The following SRGAP2C variants were observed in gnomAD, a reference collection of about 807,000 sequenced individuals.
SRGAP2C encodes SLIT-ROBO Rho GTPase-activating protein 2C.
In SRGAP2C, 15 loss-of-function variants were observed where a neutral mutation model predicts 25.1. The observed-to-expected ratio is 0.60, with a 90% confidence interval of 0.40 to 0.92. The LOEUF (loss-of-function observed/expected upper bound fraction) is 0.92. Among genes scored for constraint, SRGAP2C ranks in the 40% least tolerant of loss-of-function variants. The probability of loss-of-function intolerance (pLI) is 0.00; values close to 1 mark genes in which losing one functional copy is unlikely to be tolerated. For synonymous variants in SRGAP2C, 44 were observed against 96.6 expected, an observed-to-expected ratio of 0.46 and a Z score of 3.19; for missense variants, 144 against 264.4, an observed-to-expected ratio of 0.54 and a Z score of 3.16.
chr1:121,312,269 T>C (rs1657981104), intron 3 of SRGAP2C, among the ~76,000 whole-genome samples: 1 of 46,124 alleles, frequency 2.2e-5, no homozygotes, highest in Non-Finnish European at 4.4e-5. Flanking sequence ...TCAGTGGTGA[T>C]ATCCCCTTTA....
intron 4 of SRGAP2C, among the ~76,000 whole-genome samples, chr1:121,359,708 A>G (rs1384548843): frequency 1.3e-5 from 2 of 152,222 alleles, no homozygotes; most frequent in Non-Finnish European, 2.9e-5. Flanking sequence ...CCAAGAGTTC[A>G]AGGCTGCAGT....
chr1:121,355,245 A>T (rs1553347310), intron 4 of SRGAP2C, among the ~76,000 whole-genome samples: 1 of 150,374 alleles, frequency 6.7e-6, no homozygotes, highest in Non-Finnish European at 1.5e-5. Context: ...AAATACAACA[A>T]ACTTGACCTA....
chr1:121,369,636 G>A (rs1396010383), intron 5 of SRGAP2C, among the ~76,000 whole-genome samples: 1 of 139,170 alleles, frequency 7.2e-6, no homozygotes, highest in Non-Finnish European at 1.6e-5. Flanking sequence ...TTTGACTCTG[G>A]CACTAGGCAC....
At chr1:121,384,720 G>A (rs868933534) in intron 8 of SRGAP2C, among the ~76,000 whole-genome samples, 16 of 143,474 alleles carry the variant, frequency 1.1e-4, no homozygotes, top group African/African-American at 4.1e-4. Context: ...CCAGATGCTG[G>A]GTGCTCAAGC....
intron 2 of SRGAP2C, among the ~76,000 whole-genome samples, chr1:121,228,765 T>C (rs1302170828): frequency 6.6e-6 from 1 of 151,134 alleles, no homozygotes; most frequent in Non-Finnish European, 1.5e-5. Context: ...ATAGTAATTA[T>C]GTATGTGAGA....
At chr1:121,279,991 G>A (rs1657204772) in intron 2 of SRGAP2C, among the ~76,000 whole-genome samples, 1 of 151,788 alleles carries the variant, frequency 6.6e-6, no homozygotes, top group Non-Finnish European at 1.5e-5. Context: ...AATATGCTAT[G>A]TGGTGGGGTT....
At chr1:121,335,208 A>C in intron 4 of SRGAP2C, among the ~76,000 whole-genome samples, 1 of 151,126 alleles carries the variant, frequency 6.6e-6, no homozygotes, top group East Asian at 2.0e-4. Flanking sequence ...CAGGAGAATC[A>C]CTTGAACCCG....
At chr1:121,310,657 C>T (rs1417264827) in intron 3 of SRGAP2C, among the ~76,000 whole-genome samples, 1 of 81,722 alleles carries the variant, frequency 1.2e-5, no homozygotes, top group African/African-American at 4.7e-5. Context: ...AGCCAGTTTT[C>T]CCAGCACCAT....
At chr1:121,222,497 C>T (rs114829970) in intron 2 of SRGAP2C, among the ~76,000 whole-genome samples, 6,637 of 152,000 alleles carry the variant, frequency 0.044, 484 homozygotes, top group African/African-American at 0.15. Context: ...GACTTGGTGG[C>T]GCCCAACTGT....
intron 7 of SRGAP2C, among the ~76,000 whole-genome samples, chr1:121,376,064 A>G (rs1292670506): frequency 2.0e-4 from 20 of 98,338 alleles, no homozygotes; most frequent in South Asian, 1.3e-3. Flanking sequence ...GCTTCCCCTT[A>G]CAGTTGGGTC....
chr1:121,224,845 G>A (rs1233104967), intron 2 of SRGAP2C, among the ~76,000 whole-genome samples: 2 of 151,612 alleles, frequency 1.3e-5, no homozygotes. Context: ...AAAATAGCAA[G>A]TGAAAAGGAT....
At chr1:121,275,727 G>A (rs1235406421) in intron 2 of SRGAP2C, among the ~76,000 whole-genome samples, 4 of 149,488 alleles carry the variant, frequency 2.7e-5, no homozygotes, top group South Asian at 2.1e-4. Flanking sequence ...ATGACTGAAC[G>A]TCTTTTGGAA....
intron 2 of SRGAP2C, among the ~76,000 whole-genome samples, chr1:121,211,105 A>G (rs1392409723): frequency 6.7e-6 from 1 of 149,646 alleles, no homozygotes; most frequent in Non-Finnish European, 1.5e-5. Context: ...ATAGTGAAGG[A>G]TCCTTCTCTT....
At chr1:121,259,804 G>C (rs1182341721) in intron 2 of SRGAP2C, among the ~76,000 whole-genome samples, 3 of 149,116 alleles carry the variant, frequency 2.0e-5, no homozygotes, top group African/African-American at 4.9e-5. Context: ...AGTTGTGAGG[G>C]GAGTTGCTTT....
rs1553358357 is a variant in SRGAP2C, at chr1:121,392,441, A to G, written c.*4586A>G. The G allele has an allele frequency of 6.6e-6, 1 of 151,364 alleles. No homozygotes were observed. The highest frequency in any genetic ancestry group is 2.1e-4 in the South Asian group (1 of 4,790). 9.4% of individuals were successfully genotyped at this position (151,364 alleles called of 1,614,324 possible). ...TAAGAGATGTTTAAGTACCCTTAGC[A>G]TGTTAGTAGATATGGTTATTTCTCC... is the stretch of plus-strand genomic sequence containing the variant. On this transcript the variant is annotated 3_prime_UTR_variant, in exon 10 of 10. Coordinates refer to ENST00000367123, the MANE Select transcript of SRGAP2C (RefSeq NM_001329984.2).
At chr1:121,374,638 C>A (rs1659589112) in intron 6 of SRGAP2C, among the ~76,000 whole-genome samples, 188 bp from the exon 7 acceptor site, 1 of 152,112 alleles carries the variant, frequency 6.6e-6, no homozygotes, top group Non-Finnish European at 1.5e-5. Flanking sequence ...GCCTCATTAA[C>A]CTTTCCTGAA....
At chr1:121,249,576 A>ATTTT (rs1274776472) in intron 2 of SRGAP2C, among the ~76,000 whole-genome samples, 1 of 21,528 alleles carries the variant, frequency 4.6e-5, no homozygotes, top group Non-Finnish European at 8.2e-5. Context: ...ATATATATAT[A>ATTTT]TATATTTTTT....
intron 3 of SRGAP2C, among the ~76,000 whole-genome samples, chr1:121,314,678 C>A (rs1358053146): frequency 2.7e-5 from 4 of 149,686 alleles, no homozygotes; most frequent in Admixed American, 2.0e-4. Flanking sequence ...TGTTGGAATA[C>A]CCTGCTGTGT....
At chr1:121,359,796 A>G (rs1348266839) in intron 4 of SRGAP2C, among the ~76,000 whole-genome samples, 1 of 152,234 alleles carries the variant, frequency 6.6e-6, no homozygotes, top group Non-Finnish European at 1.5e-5. Context: ...AAAGAAAAGA[A>G]AAAAAGAAGA....
Sources: gnomAD v4.1 joint callset for allele counts (sites outside exome capture counted in the v4.1 genomes callset) on GRCh38, gnomAD v4.1.1 for gene constraint, MANE v1.5 for transcripts, NCBI Gene and HGNC (gene_info 2026-07-23, HGNC 2026-07-21) for gene names.